Variants in TGFB2 observed in about 807,000 individuals in gnomAD.
TGFB2 encodes the protein transforming growth factor beta 2.
Under a neutral mutation model 42.7 loss-of-function variants are expected in TGFB2, and 13 were observed. That is an observed-to-expected ratio of 0.30 (90% CI 0.20 to 0.48). The LOEUF (loss-of-function observed/expected upper bound fraction) is 0.48. Among genes scored for constraint, TGFB2 ranks in the 20% least tolerant of loss-of-function variants. The pLI is 0.99. For synonymous variants in TGFB2, 193 were observed against 193.6 expected (o/e 1.00, Z 0.03); for missense variants, 390 against 517.5 (o/e 0.75, Z 2.39).
chr1:218,381,837 G>A (rs1277331184), intron 1 of TGFB2, among the ~76,000 whole-genome samples: 3 of 152,092 alleles, frequency 2.0e-5, no homozygotes, highest in African/African-American at 7.3e-5. Context: ...GTAGGGGTGT[G>A]TGTGTGTGTG....
rs529417954 is a variant in TGFB2, at chr1:218,416,053, T to G, written c.510+10721T>G. 5.9e-5 allele frequency among the ~76,000 whole-genome samples: 9 copies of G among 152,264 alleles called. No individual in the cohort carries two copies. In the East Asian group the frequency reaches 1.4e-3, roughly 23 times the overall value. The stretch of plus-strand genomic sequence containing the variant: ...TTAACAGTGGGACAGAGCAGGGTTT[T>G]GGGGAACAGCCATTGTTTTATCACT... On this transcript the variant is annotated intron_variant, in intron 2 of 6. Coordinates refer to ENST00000366930, the MANE Select transcript of TGFB2 (RefSeq NM_003238.6).
In TGFB2 at chr1:218,442,155, T is replaced by C. The variant is rs1660174692; in HGVS notation, c.*793T>C. ...CAGTCAGAATAAGTCTGTAAGTTTTTTTTTTTCTTTTTAATTGTAAATGGT... is the reference window on the plus strand; with the variant it reads ...CAGTCAGAATAAGTCTGTAAGTTTTCTTTTTTCTTTTTAATTGTAAATGGT... On this transcript the variant is annotated 3_prime_UTR_variant, in exon 7 of 7. Coordinates refer to ENST00000366930, the MANE Select transcript of TGFB2 (RefSeq NM_003238.6). 1 of 152,132 alleles carries C rather than the reference T, an allele frequency of 6.6e-6. No individual in the cohort carries two copies. Among genetic ancestry groups the C allele is most frequent in the African/African-American group, 2.4e-5 (1 of 41,448 alleles). The allele number at this position is 152,132 out of a possible 1,614,324, so 9.4% of individuals were successfully genotyped here.
In TGFB2 at chr1:218,374,371, A is replaced by C. The variant is rs537844964; in HGVS notation, c.346+27324A>C. On this transcript the variant is annotated intron_variant, in intron 1 of 6. Coordinates refer to ENST00000366930, the MANE Select transcript of TGFB2 (RefSeq NM_003238.6). ...TATTTATTAAATGAGAGAGTGAATG[A>C]ATTTTTGCACATATGTACCATAACA... is the stretch of plus-strand genomic sequence containing the variant. Among the ~76,000 whole-genome samples, 3 of 152,286 alleles carry C rather than the reference A, an allele frequency of 2.0e-5. No homozygotes were observed. In the East Asian group the frequency reaches 5.8e-4, roughly 29 times the overall value.
At chr1:218,383,692 T>G (rs902727553) in intron 1 of TGFB2, among the ~76,000 whole-genome samples, 1 of 152,220 alleles carries the variant, frequency 6.6e-6, no homozygotes, top group Non-Finnish European at 1.5e-5. Flanking sequence ...TGAAGGATTT[T>G]CACACAGCTA....
At chr1:218,434,847 C>G (rs1263666010) in intron 4 of TGFB2, among the ~76,000 whole-genome samples, 8 of 152,190 alleles carry the variant, frequency 5.3e-5, no homozygotes, top group Non-Finnish European at 8.8e-5. Flanking sequence ...AACCGTATTT[C>G]ACAGAAGAAA....
chr1:218,348,699 A>G (rs1176655764), intron 1 of TGFB2, among the ~76,000 whole-genome samples: 2 of 152,236 alleles, frequency 1.3e-5, no homozygotes, highest in African/African-American at 4.8e-5. Flanking sequence ...GTTCATTGTA[A>G]TTAGTCCAAA....
chr1:218,395,903 C>G (rs1350796425), intron 1 of TGFB2, among the ~76,000 whole-genome samples: 1 of 152,062 alleles, frequency 6.6e-6, no homozygotes, highest in African/African-American at 2.4e-5. Flanking sequence ...TGTGAGCCAC[C>G]GCGCCAGGCC....
chr1:218,406,612 G>A (rs574637718), intron 2 of TGFB2, among the ~76,000 whole-genome samples: 4 of 152,226 alleles, frequency 2.6e-5, no homozygotes, highest in South Asian at 2.1e-4. Flanking sequence ...GGGTATAGGC[G>A]GGGAAATTTC....
Position 218,434,378 on chromosome 1 carries a change from C to T in TGFB2, c.684C>T (p.Cys228=). The change falls in exon 4 of 7, where the codon TGC becomes TGT. Residue 228 remains cysteine (C), a synonymous_variant. Coordinates refer to ENST00000366930, the MANE Select transcript of TGFB2 (RefSeq NM_003238.6). ...TTAAAATAAGCTTACACTGTCCCTGCTGCACTTTTGTACCATCTAATAATT... is the reference window on the plus strand; with the variant it reads ...TTAAAATAAGCTTACACTGTCCCTGTTGCACTTTTGTACCATCTAATAATT... The part of the protein sequence containing the change: ...LGFKISLHCP[C]CTFVPSNNYI... 1 of 1,614,000 alleles carries T rather than the reference C, an allele frequency of 6.2e-7. No homozygotes were observed. Among genetic ancestry groups the T allele is most frequent in the Non-Finnish European group, 8.5e-7 (1 of 1,179,946 alleles).
chr1:218,431,298 A>G (rs1036138763), intron 2 of TGFB2, among the ~76,000 whole-genome samples: 2 of 152,226 alleles, frequency 1.3e-5, no homozygotes, highest in African/African-American at 4.8e-5. Flanking sequence ...GTAGGATTTA[A>G]AAGAGAAAAA....
intron 1 of TGFB2, among the ~76,000 whole-genome samples, chr1:218,376,743 A>T (rs1657755013): frequency 6.6e-6 from 1 of 152,224 alleles, no homozygotes; most frequent in African/African-American, 2.4e-5. Flanking sequence ...TTATTACTAT[A>T]TTATCCCTGC....
At chr1:218,359,922 A>G (rs1190912096) in intron 1 of TGFB2, among the ~76,000 whole-genome samples, 1 of 152,184 alleles carries the variant, frequency 6.6e-6, no homozygotes, top group African/African-American at 2.4e-5. Flanking sequence ...CAAAACCACT[A>G]CCTACTCAGA....
At chr1:218,392,796 G>A (rs1039601812) in intron 1 of TGFB2, among the ~76,000 whole-genome samples, 2 of 152,078 alleles carry the variant, frequency 1.3e-5, no homozygotes, top group African/African-American at 2.4e-5. Flanking sequence ...ATTCCTCTTC[G>A]TATTTATTCA....
intron 1 of TGFB2, among the ~76,000 whole-genome samples, chr1:218,385,787 GAATT>G (rs1259835429): frequency 6.6e-6 from 1 of 152,232 alleles, no homozygotes; most frequent in Non-Finnish European, 1.5e-5. Context: ...GAAAACTGAA[GAATT>G]AAGCTGTTAG....
At position 218,434,391 on chromosome 1, in the gene TGFB2, C is replaced by T. The variant is rs753572174; in HGVS notation, c.697C>T (p.Pro233Ser). 12 of 1,613,934 alleles carry T rather than the reference C, an allele frequency of 7.4e-6. No homozygotes were observed. The Admixed American group carries it at 2.0e-4, about 27-fold the overall frequency. ...ACACTGTCCCTGCTGCACTTTTGTA[C>T]CATCTAATAATTACATCATCCCAAA... is the stretch of plus-strand genomic sequence containing the variant. Reference protein sequence around the residue: ...SLHCPCCTFVPSNNYIIPNKS... With the variant: ...SLHCPCCTFVSSNNYIIPNKS... The change falls in exon 4 of 7, where the codon CCA becomes TCA. Residue 233 changes from proline to serine, a missense_variant. Coordinates refer to ENST00000366930, the MANE Select transcript of TGFB2 (RefSeq NM_003238.6).
At chr1:218,440,004 G>A (rs1660101656) in intron 6 of TGFB2, among the ~76,000 whole-genome samples, 1 of 152,160 alleles carries the variant, frequency 6.6e-6, no homozygotes, top group Non-Finnish European at 1.5e-5. Context: ...CACATTAATG[G>A]CATCCTTGGA....
At chr1:218,391,050 T>C (rs146385678) in intron 1 of TGFB2, among the ~76,000 whole-genome samples, 1 of 152,342 alleles carries the variant, frequency 6.6e-6, no homozygotes, top group East Asian at 1.9e-4. Context: ...CTTTATATTC[T>C]AGATAGAGGG....
chr1:218,432,400 T>G (rs1355140079), intron 2 of TGFB2, among the ~76,000 whole-genome samples: 1 of 152,186 alleles, frequency 6.6e-6, no homozygotes, highest in Non-Finnish European at 1.5e-5. Context: ...CAGGGGCAGA[T>G]CTGTAGAATA....
chr1:218,363,312 C>G, intron 1 of TGFB2: 1 of 1,604,684 alleles, frequency 6.2e-7, no homozygotes, highest in Non-Finnish European at 8.5e-7. Flanking sequence ...TAGCTAATGA[C>G]TGTGCTTTTT....
Sources: allele counts gnomAD v4.1 joint callset (sites outside exome capture counted in the v4.1 genomes callset), GRCh38; gene constraint gnomAD v4.1.1; transcripts MANE v1.5; gene names NCBI Gene and HGNC (gene_info 2026-07-23, HGNC 2026-07-21).